TSPAN33: variants seen among roughly 807,000 people sequenced by gnomAD.
TSPAN33 encodes the protein tetraspanin 33.
Under a neutral mutation model 34.8 loss-of-function variants are expected in TSPAN33, and 27 were observed. That is an observed-to-expected ratio of 0.78 (90% confidence interval 0.57 to 1.07). The LOEUF (loss-of-function observed/expected upper bound fraction) is 1.07. TSPAN33 is among the 50% of genes least tolerant of loss of function. TSPAN33 has a pLI of 0.00. For missense variants in TSPAN33, 272 were observed against 324.9 expected (o/e 0.84, Z 1.25); for synonymous variants, 119 against 124.2 (o/e 0.96, Z 0.28).
At chr7:129,152,393 G>A (rs962661019) in intron 1 of TSPAN33, among the ~76,000 whole-genome samples, 1 of 152,168 alleles carries the variant, frequency 6.6e-6, no homozygotes, top group East Asian at 1.9e-4. Context: ...ATTATTCAGC[G>A]ATAAAAGGAA....
chr7:129,150,428 A>C (rs537601749), intron 1 of TSPAN33, among the ~76,000 whole-genome samples: 1 of 152,162 alleles, frequency 6.6e-6, no homozygotes, highest in Non-Finnish European at 1.5e-5. Context: ...AGGGAACCAC[A>C]AGCAGCTGCT....
Position 129,167,731 on chromosome 7 carries a change from T to C in TSPAN33, c.751-42T>C, listed in dbSNP as rs750101051. On this transcript the variant is annotated intron_variant, in intron 7 of 7. Coordinates refer to ENST00000486685, the MANE Select transcript of TSPAN33 (RefSeq NM_178562.5). This position sits in a 1 kb window ranked among gnomAD's most constrained non-coding sequence, Gnocchi z 4.6. ...GATCGAGCCAGGGAAAACAAGGCCA[T>C]CACTCACTGCTGAGTGCCCAATTCC... 6.3e-7 allele frequency: 1 copy of C among 1,598,864 alleles called. No homozygotes were observed. The highest frequency in any genetic ancestry group is 8.6e-7 in the Non-Finnish European group (1 of 1,166,808).
chr7:129,161,220 C>T (rs1300748691), intron 1 of TSPAN33, among the ~76,000 whole-genome samples: 1 of 152,218 alleles, frequency 6.6e-6, no homozygotes, highest in East Asian at 1.9e-4. Flanking sequence ...ACTACAGGTG[C>T]ACACCACTGC....
intron 5 of TSPAN33, among the ~76,000 whole-genome samples, chr7:129,166,055 A>C (rs544213247): frequency 2.0e-5 from 3 of 152,148 alleles, no homozygotes; most frequent in East Asian, 1.9e-4. Context: ...TGCCTGCCTC[A>C]GCCTCCTGAG....
Position 129,148,744 on chromosome 7 carries a change from C to G in TSPAN33, c.102+3662C>G, listed in dbSNP as rs956111289. ...CTACAGCATCTGGATTTTCTCACTT[C>G]CACTGCCACATATATGCACCCTTGT... On this transcript the variant is annotated intron_variant, in intron 1 of 7. Transcript: ENST00000486685. The surrounding 1 kb of genome is among the most constrained non-coding windows in gnomAD (Gnocchi z 4.2). 6.6e-6 allele frequency among the ~76,000 whole-genome samples: 1 copy of G among 152,190 alleles called. No homozygotes were observed. The highest frequency in any genetic ancestry group is 2.4e-5 in the African/African-American group (1 of 41,444).
intron 1 of TSPAN33, among the ~76,000 whole-genome samples, chr7:129,161,088 A>C (rs1413328299): frequency 6.6e-6 from 1 of 152,218 alleles, no homozygotes; most frequent in Admixed American, 6.5e-5. Flanking sequence ...ACTTCAATTT[A>C]TTAGAGACGG....
chr7:129,147,163 A>G (rs1030158673), intron 1 of TSPAN33, among the ~76,000 whole-genome samples: 1 of 152,180 alleles, frequency 6.6e-6, no homozygotes, highest in African/African-American at 2.4e-5. Flanking sequence ...CTCATAAAAA[A>G]TCAGAGGCTC....
chr7:129,168,028 G>T lies in TSPAN33; in HGVS notation c.*154G>T, dbSNP rs1793170917. 1 of 1,437,604 alleles carries T rather than the reference G, an allele frequency of 7.0e-7. No homozygotes were observed. Among genetic ancestry groups the T allele is most frequent in the Non-Finnish European group, 9.1e-7 (1 of 1,093,932 alleles). 89.1% of individuals were successfully genotyped at this position (1,437,604 alleles called of 1,614,324 possible). ...CAAACTCCAGATGGGCAGAAGGCAG[G>T]GTGCACAGGTGGCTCCAGTCTCAGG... On this transcript the variant is annotated 3_prime_UTR_variant, in exon 8 of 8. Transcript: ENST00000486685.
At chr7:129,164,012 G>A (rs375738439) in intron 4 of TSPAN33, among the ~76,000 whole-genome samples, 4 of 152,084 alleles carry the variant, frequency 2.6e-5, no homozygotes, top group South Asian at 4.2e-4. Flanking sequence ...AGTTAATTCC[G>A]AATTTCGTAG....
intron 2 of TSPAN33, 138 bp from the exon 3 acceptor site, chr7:129,162,256 C>A: frequency 7.6e-7 from 1 of 1,312,024 alleles, no homozygotes; most frequent in Non-Finnish European, 1.1e-6. Flanking sequence ...AGGGGTACTG[C>A]CTCCCCTTAA....
At chr7:129,155,635 A>T (rs1244145554) in intron 1 of TSPAN33, among the ~76,000 whole-genome samples, 3 of 142,996 alleles carry the variant, frequency 2.1e-5, no homozygotes, top group African/African-American at 5.2e-5. Flanking sequence ...TAGTATTATC[A>T]TTATGGTCTA....
chr7:129,153,393 A>C (rs1307898603), intron 1 of TSPAN33, among the ~76,000 whole-genome samples: 1 of 152,224 alleles, frequency 6.6e-6, no homozygotes. Flanking sequence ...AAAATGGTAC[A>C]TTTTGTGTCA....
At position 129,154,819 on chromosome 7, in the gene TSPAN33, C is replaced by T. The variant is rs141526422; in HGVS notation, c.103-6860C>T. 4.7e-3 allele frequency among the ~76,000 whole-genome samples: 720 copies of T among 152,190 alleles called. 4 individuals are homozygous for T. Among genetic ancestry groups the T allele is most frequent in the Non-Finnish European group, 7.0e-3 (479 of 68,000 alleles). On this transcript the variant is annotated intron_variant, in intron 1 of 7. Coordinates refer to ENST00000486685, the MANE Select transcript of TSPAN33 (RefSeq NM_178562.5). ...AGACTATTTTTCAAGAACAATTTTA[C>T]AGAAAAATTGAGAAGATAGTACAGA...
intron 1 of TSPAN33, among the ~76,000 whole-genome samples, chr7:129,155,646 C>T (rs561530285): frequency 2.6e-5 from 2 of 78,066 alleles, no homozygotes; most frequent in Admixed American, 3.5e-4. Context: ...TTATGGTCTA[C>T]ACTTTATTGG....
At position 129,165,380 on chromosome 7, in the gene TSPAN33, G is replaced by A. The variant is rs575278543; in HGVS notation, c.459+811G>A. On this transcript the variant is annotated intron_variant, in intron 5 of 7. Coordinates refer to ENST00000486685, the MANE Select transcript of TSPAN33 (RefSeq NM_178562.5). The surrounding 1 kb of genome is among the most constrained non-coding windows in gnomAD (Gnocchi z 4.5). Reference sequence around the variant, plus strand: ...CTGTCTGTAAATTTGACAACTCTAGGTACCTCAAATGAAGGGACTCACGGT... The same window carrying A: ...CTGTCTGTAAATTTGACAACTCTAGATACCTCAAATGAAGGGACTCACGGT... Among the ~76,000 whole-genome samples, 235 of 152,256 alleles carry A rather than the reference G, an allele frequency of 1.5e-3. 2 individuals are homozygous for A. Among genetic ancestry groups the A allele is most frequent in the African/African-American group, 5.3e-3 (222 of 41,542 alleles).
intron 6 of TSPAN33, 89 bp downstream of exon 6, chr7:129,166,995 C>CAG: frequency 6.8e-7 from 1 of 1,464,422 alleles, no homozygotes; most frequent in Non-Finnish European, 9.3e-7. Context: ...TCCCCATCCC[C>CAG]TAGCTTCACC....
chr7:129,151,325 C>T (rs1312852622), intron 1 of TSPAN33, among the ~76,000 whole-genome samples: 4 of 151,976 alleles, frequency 2.6e-5, no homozygotes, highest in Non-Finnish European at 4.4e-5. Context: ...TACTGTGTTG[C>T]CCAGACTGGT....
chr7:129,157,437 G>C (rs892338876), intron 1 of TSPAN33, among the ~76,000 whole-genome samples: 2 of 151,938 alleles, frequency 1.3e-5, no homozygotes, highest in African/African-American at 2.4e-5. Context: ...TTAGGGGAGA[G>C]ATATCATTAG....
intron 1 of TSPAN33, among the ~76,000 whole-genome samples, chr7:129,154,986 A>G (rs531304515): frequency 6.6e-6 from 1 of 152,384 alleles, no homozygotes; most frequent in East Asian, 1.9e-4. Flanking sequence ...TATTCACAAT[A>G]GCCAAGAAAT....
Sources: allele counts gnomAD v4.1 joint callset (sites outside exome capture counted in the v4.1 genomes callset), GRCh38; gene constraint gnomAD v4.1.1; non-coding constraint Gnocchi (gnomAD v3.1); transcripts MANE v1.5; gene names NCBI Gene and HGNC (gene_info 2026-07-23, HGNC 2026-07-21).